The following EPHB1 variants were observed in gnomAD, a reference collection of about 807,000 sequenced individuals.
EPHB1 encodes the protein EPH receptor B1.
A neutral mutation model predicts 94.4 loss-of-function variants in EPHB1; 30 were observed. The observed-to-expected ratio is 0.32, with a 90% CI of 0.24 to 0.43. EPHB1 has a LOEUF of 0.43. Ranked by LOEUF, EPHB1 falls within the 20% of genes least tolerant of loss-of-function variation. The pLI is 1.00. For synonymous variants in EPHB1, 522 were observed against 489.1 expected (o/e 1.07, Z -0.89); for missense variants, 1,055 against 1,308.3 (o/e 0.81, Z 2.99).
chr3:135,085,005 C>A (rs971633532), intron 3 of EPHB1, among the ~76,000 whole-genome samples: 2 of 152,236 alleles, frequency 1.3e-5, no homozygotes, highest in African/African-American at 4.8e-5. Flanking sequence ...AGAACTTGCC[C>A]GCAACCTCAC....
intron 3 of EPHB1, among the ~76,000 whole-genome samples, chr3:135,078,912 C>T (rs1297596276): frequency 2.6e-5 from 4 of 152,162 alleles, no homozygotes; most frequent in African/African-American, 9.7e-5. Context: ...AGTCCTCTTT[C>T]CTTTTCTCTG....
chr3:135,024,984 TATC>T (rs1936100317), intron 3 of EPHB1, among the ~76,000 whole-genome samples: 1 of 151,908 alleles, frequency 6.6e-6, no homozygotes, highest in Non-Finnish European at 1.5e-5. Flanking sequence ...TGATTTTTCA[TATC>T]TACATATGTA....
chr3:135,184,203 G>A (rs1942269311), intron 10 of EPHB1, among the ~76,000 whole-genome samples: 2 of 152,090 alleles, frequency 1.3e-5, no homozygotes, highest in Non-Finnish European at 2.9e-5. Flanking sequence ...AGAAATGAGG[G>A]GCATCAGGTT....
At chr3:135,255,525 T>C (rs1358240721) in intron 15 of EPHB1, among the ~76,000 whole-genome samples, 55 of 146,794 alleles carry the variant, frequency 3.7e-4, no homozygotes, top group African/African-American at 1.0e-3. Context: ...AGTTGAGCGG[T>C]TTTGAGTGAG....
Position 135,249,435 on chromosome 3 carries a change from C to T in EPHB1, c.2790C>T (p.Asp930=), listed in dbSNP as rs1385855528. The T allele has an allele frequency of 1.2e-6, 2 of 1,613,922 alleles. No individual in the cohort carries two copies. The highest frequency in any genetic ancestry group is 2.7e-5 in the African/African-American group (2 of 74,946). ...CCATCAAAATGGTCCAGTACAGGGACAGCTTCCTCACTGCTGGCTTCACCT... is the reference window on the plus strand; with the variant it reads ...CCATCAAAATGGTCCAGTACAGGGATAGCTTCCTCACTGCTGGCTTCACCT... ...LSAIKMVQYR[D]SFLTAGFTSL... Residue 930 remains aspartate (D), a synonymous_variant, in exon 15 of 16, where the codon GAC becomes GAT. Transcript: ENST00000398015.
chr3:135,001,158 C>T (rs888613682), intron 3 of EPHB1, among the ~76,000 whole-genome samples: 3 of 152,164 alleles, frequency 2.0e-5, no homozygotes, highest in Admixed American at 6.5e-5. Flanking sequence ...CACTCCATGG[C>T]CTCTGTCTCC....
At chr3:135,143,649 G>A (rs1044456242) in intron 5 of EPHB1, among the ~76,000 whole-genome samples, 7 of 152,172 alleles carry the variant, frequency 4.6e-5, no homozygotes, top group African/African-American at 1.2e-4. Context: ...GGAAAGGCTG[G>A]CAGGCCTGAG....
chr3:135,168,646 C>T (rs546810692), intron 9 of EPHB1, among the ~76,000 whole-genome samples: 136 of 152,280 alleles, frequency 8.9e-4, no homozygotes, highest in Non-Finnish European at 1.4e-3. Flanking sequence ...TCCTCAAGGG[C>T]GACCTTCGTC....
rs369696094 is a variant in EPHB1 at position 135,043,710 on chromosome 3, TC to T, written c.806-62736del. On this transcript the variant is annotated intron_variant, in intron 3 of 15. Coordinates refer to ENST00000398015, the MANE Select transcript of EPHB1 (RefSeq NM_004441.5). ...TGATACAGACGTTCCTAAGATATAT[TC>T]CTTTAGCGGAAGACTCTTGCATCCA... Among the ~76,000 whole-genome samples the T allele has an allele frequency of 4.8e-3, 726 of 152,298 alleles. 8 individuals are homozygous for T. The highest frequency in any genetic ancestry group is 0.017 in the African/African-American group (699 of 41,564).
intron 3 of EPHB1, among the ~76,000 whole-genome samples, chr3:135,091,448 C>G (rs1170853520): frequency 2.0e-5 from 3 of 152,202 alleles, no homozygotes; most frequent in African/African-American, 7.2e-5. Context: ...TCTCAGCACT[C>G]TGCTGTGGGT....
chr3:135,098,906 G>A (rs1004722453), intron 3 of EPHB1, among the ~76,000 whole-genome samples: 2 of 151,392 alleles, frequency 1.3e-5, no homozygotes, highest in East Asian at 3.9e-4. Context: ...CCTGCTACTC[G>A]GGAGGCTGAG....
At chr3:135,053,156 TAGGA>T (rs1459319524) in intron 3 of EPHB1, among the ~76,000 whole-genome samples, 3 of 112,938 alleles carry the variant, frequency 2.7e-5, no homozygotes, top group Admixed American at 2.2e-4. Context: ...TAGATGTTTC[TAGGA>T]AGGTATTTTT....
In EPHB1 at chr3:135,162,012, T is replaced by C. The variant is rs2107698086; in HGVS notation, c.1423-6T>C. The C allele has an allele frequency of 6.2e-7, 1 of 1,604,648 alleles. No homozygotes were observed. Among genetic ancestry groups the C allele is most frequent in the East Asian group, 2.2e-5 (1 of 44,672 alleles). On this transcript the variant is annotated splice_region_variant and splice_polypyrimidine_tract_variant and intron_variant, in intron 6 of 15. Transcript: ENST00000398015. Reference sequence around the variant, plus strand: ...GATAGTGACCCTTTCCCTTGCTTTCTTTTAGGAACACAATGAGTTCAACTC... The same window carrying C: ...GATAGTGACCCTTTCCCTTGCTTTCCTTTAGGAACACAATGAGTTCAACTC...
In EPHB1 at chr3:135,201,695, T is replaced by A. The variant is rs1559873067; in HGVS notation, c.2346+6T>A. 1.2e-6 allele frequency: 2 copies of A among 1,612,320 alleles called. No homozygotes were observed. Among genetic ancestry groups the A allele is most frequent in the Non-Finnish European group, 1.7e-6 (2 of 1,178,944 alleles). On this transcript the variant is annotated splice_donor_region_variant and intron_variant, in intron 12 of 15. Coordinates refer to ENST00000398015, the MANE Select transcript of EPHB1 (RefSeq NM_004441.5). ...CCACCTACACCAGCTCCTTGGTGAGTCCTTCTTGGCATTCTCAAGTAGAAG... is the reference window on the plus strand; with the variant it reads ...CCACCTACACCAGCTCCTTGGTGAGACCTTCTTGGCATTCTCAAGTAGAAG...
intron 1 of EPHB1, among the ~76,000 whole-genome samples, chr3:134,823,534 C>T (rs2036421195): frequency 1.3e-5 from 2 of 152,222 alleles, no homozygotes; most frequent in African/African-American, 4.8e-5. Flanking sequence ...TCATGTACCG[C>T]TTGCAACAAC....
At chr3:134,900,538 A>C (rs1298418638) in intron 1 of EPHB1, among the ~76,000 whole-genome samples, 1 of 152,178 alleles carries the variant, frequency 6.6e-6, no homozygotes. Context: ...CATGGACTTC[A>C]GGCCTCCAGG....
At chr3:135,031,275 C>G (rs2084388) in intron 3 of EPHB1, among the ~76,000 whole-genome samples, 2 of 152,120 alleles carry the variant, frequency 1.3e-5, no homozygotes, top group Non-Finnish European at 2.9e-5. Context: ...AATCCCTTCT[C>G]TCTTTTCTTC....
chr3:134,951,674 G>A lies in EPHB1; in HGVS notation c.427G>A (p.Asp143Asn), dbSNP rs1022112463. The change falls in exon 3 of 16, where the codon GAT becomes AAT. Residue 143 changes from aspartate to asparagine, a missense_variant. Asp to Asn is a conservative substitution (Grantham distance 23). Coordinates refer to ENST00000398015, the MANE Select transcript of EPHB1 (RefSeq NM_004441.5). The surrounding 1 kb of genome is among the most constrained non-coding windows in gnomAD (Gnocchi z 4.5). ...CCTCAAAGTAGACACCATTGCTGCA[G>A]ATGAGAGCTTCTCCCAGGTGGACTT... ...PYLKVDTIAA[D>N]ESFSQVDFGG... 1 of 1,614,126 alleles carries A rather than the reference G, an allele frequency of 6.2e-7. No individual in the cohort carries two copies. The highest frequency in any genetic ancestry group is 8.5e-7 in the Non-Finnish European group (1 of 1,179,998).
chr3:134,913,870 C>T (rs548566304), intron 1 of EPHB1, among the ~76,000 whole-genome samples: 2 of 152,150 alleles, frequency 1.3e-5, no homozygotes, highest in South Asian at 4.1e-4. Flanking sequence ...TGGTGGTGGT[C>T]GGTGGTGCTG....
Sources: allele counts gnomAD v4.1 joint callset (sites outside exome capture counted in the v4.1 genomes callset), GRCh38; gene constraint gnomAD v4.1.1; non-coding constraint Gnocchi (gnomAD v3.1); transcripts MANE v1.5; gene names NCBI Gene and HGNC (gene_info 2026-07-23, HGNC 2026-07-21).